The following UCKL1 variants were observed in gnomAD, a reference collection of about 807,000 sequenced individuals.
UCKL1 encodes the protein uridine-cytidine kinase 1 like 1, also known as uridine-cytidine kinase-like 1.
In UCKL1, 65 loss-of-function variants were observed where a neutral mutation model predicts 59.2. That is an observed-to-expected ratio of 1.10 (90% CI 0.90 to 1.35). The LOEUF is 1.35. Ranked by LOEUF, UCKL1 falls within the 40% of genes most tolerant of loss-of-function variation. The pLI, the probability that UCKL1 is intolerant of heterozygous loss-of-function variation, is 0.00. For missense variants in UCKL1, 703 were observed against 784.3 expected, an observed-to-expected ratio of 0.90 and a Z score of 1.24; for synonymous variants, 410 against 323.1, an observed-to-expected ratio of 1.27 and a Z score of -2.88.
At chr20:63,948,193 C>T (rs2056760641) in intron 1 of UCKL1, 1 of 152,250 alleles carries the variant, frequency 6.6e-6, no homozygotes, top group African/African-American at 2.4e-5. Flanking sequence ...CAGGGGTCAG[C>T]ACCTTGGCCC....
At chr20:63,940,543 C>G (rs2054087252) in intron 12 of UCKL1, 51 bp downstream of exon 12, 1 of 1,603,364 alleles carries the variant, frequency 6.2e-7, no homozygotes, top group Admixed American at 1.7e-5. Context: ...TTGCTGTGAG[C>G]TCCCTCTGCC....
intron 1 of UCKL1, 77 bp downstream of exon 1, chr20:63,956,183 G>A (rs994928363): frequency 2.3e-6 from 3 of 1,307,434 alleles, no homozygotes; most frequent in Non-Finnish European, 2.0e-6. Context: ...CGGCGGGGAC[G>A]GACCACCCGC....
chr20:63,941,244 G>T, intron 8 of UCKL1, 36 bp from the exon 9 acceptor site: 1 of 1,465,244 alleles, frequency 6.8e-7, no homozygotes. Flanking sequence ...TCAAGAAGGG[G>T]GTCTTTTCCC....
At chr20:63,951,499 C>A (rs1358751096) in intron 1 of UCKL1, among the ~76,000 whole-genome samples, 1 of 152,170 alleles carries the variant, frequency 6.6e-6, no homozygotes, top group African/African-American at 2.4e-5. Context: ...AGCTGGGCAC[C>A]CCATCCCTAG....
chr20:63,945,245 G>C (rs1569076030), intron 5 of UCKL1, among the ~76,000 whole-genome samples: 2 of 152,172 alleles, frequency 1.3e-5, no homozygotes, highest in African/African-American at 4.8e-5. Context: ...CCTGTACAAG[G>C]GGCAGGACCT....
Position 63,940,319 on chromosome 20 carries a change from T to C in UCKL1, c.1411-13A>G, listed in dbSNP as rs559498843. 1.1e-5 allele frequency: 17 copies of C among 1,612,516 alleles called. No individual in the cohort carries two copies. In the African/African-American group the frequency reaches 1.5e-4, roughly 14 times the overall value. On this transcript the variant is annotated splice_polypyrimidine_tract_variant and intron_variant, in intron 13 of 14. Coordinates refer to ENST00000354216, the MANE Select transcript of UCKL1 (RefSeq NM_017859.4). ...GCACGTCGTGGTCCTACCGAGTGTATTGGGCAGGTAAATCCCACCTCTGCC... is the reference window on the plus strand; with the variant it reads ...GCACGTCGTGGTCCTACCGAGTGTACTGGGCAGGTAAATCCCACCTCTGCC...
rs199612627 is a variant in UCKL1 at position 63,944,542 on chromosome 20, C to T, written c.844+3G>A. 2.5e-6 allele frequency: 4 copies of T among 1,607,798 alleles called. No homozygotes were observed. Among genetic ancestry groups the T allele is most frequent in the Admixed American group, 3.4e-5 (2 of 59,328 alleles). ...CACCCAACAGGCAGCCCAGCAGGCT[C>T]ACCTCTGGGGACCACGATGTCTGCC... On this transcript the variant is annotated splice_donor_region_variant and intron_variant, in intron 6 of 14. Transcript: ENST00000354216.
intron 1 of UCKL1, among the ~76,000 whole-genome samples, chr20:63,949,195 C>T (rs2057173111): frequency 1.3e-5 from 2 of 152,152 alleles, no homozygotes; most frequent in African/African-American, 2.4e-5. Flanking sequence ...AGCCTCACCT[C>T]GGCTCCGGAG....
chr20:63,941,372 C>T (rs1354729399), intron 8 of UCKL1, 164 bp from the exon 9 acceptor site: 12 of 1,095,326 alleles, frequency 1.1e-5, no homozygotes, highest in South Asian at 6.3e-5. Flanking sequence ...TGGGGGGAGA[C>T]GTCGCCCTAC....
intron 8 of UCKL1, chr20:63,942,577 C>A: frequency 1.1e-6 from 1 of 912,098 alleles, no homozygotes; most frequent in Non-Finnish European, 1.5e-6. Flanking sequence ...AAAGAGAAGG[C>A]TGCTTAGTTG....
chr20:63,946,434 A>AC lies in UCKL1; in HGVS notation c.304+18dup, dbSNP rs545923388. 6.5e-4 allele frequency: 997 copies of AC among 1,526,208 alleles called. 6 individuals carry two copies. Among genetic ancestry groups the AC allele is most frequent in the African/African-American group, 5.2e-3 (376 of 72,644 alleles). 94.5% of individuals were successfully genotyped at this position (1,526,208 alleles called of 1,614,324 possible). On this transcript the variant is annotated intron_variant, in intron 2 of 14. Transcript: ENST00000354216. ...AGGCAGGCGTCCGGCAGCAGGTCCC[A>AC]CCCCCCCGCTGCTCTCACCGATGGC...
At chr20:63,950,173 A>G (rs1202278801) in intron 1 of UCKL1, among the ~76,000 whole-genome samples, 1 of 152,168 alleles carries the variant, frequency 6.6e-6, no homozygotes, top group Non-Finnish European at 1.5e-5. Context: ...CAGGCCTGTG[A>G]CGGCGTCAGG....
chr20:63,946,211 C>T lies in UCKL1; in HGVS notation c.361G>A (p.Ala121Thr). 6.2e-7 allele frequency: 1 copy of T among 1,611,194 alleles called. No homozygotes were observed. Among genetic ancestry groups the T allele is most frequent in the South Asian group, 1.1e-5 (1 of 90,838 alleles). ...KTTVARMIIE[A>T]LDVPWVVLLS... is the part of the protein sequence containing the mutation. Reference sequence around the variant, plus strand: ...AAGACCACCCAGGGCACATCCAGGGCCTCGATGATCATTCTGGCCACAGTG... The same window carrying T: ...AAGACCACCCAGGGCACATCCAGGGTCTCGATGATCATTCTGGCCACAGTG... The change falls in exon 3 of 15, where the codon GCC (alanine) becomes ACC (threonine). Residue 121 changes from alanine to threonine, a missense_variant. Ala to Thr is a moderately conservative substitution (Grantham distance 58). Around this residue, in one of 4 missense-constraint regions of UCKL1, gnomAD observed 398 missense variants for 373.0 expected, o/e 1.07. Transcript: ENST00000354216.
chr20:63,943,548 A>T (rs1050433593), intron 8 of UCKL1, 105 bp downstream of exon 8: 10 of 1,550,462 alleles, frequency 6.4e-6, no homozygotes, highest in Non-Finnish European at 8.8e-6. Flanking sequence ...CCCTTCTGTG[A>T]CTGGGGAAGA....
In UCKL1 at chr20:63,944,547, CTG is replaced by C. The variant is rs1359709362; in HGVS notation, c.840_841del (p.Gly282GlufsTer22). On this transcript the variant is annotated frameshift_variant, in exon 6 of 15. Coordinates refer to ENST00000354216, the MANE Select transcript of UCKL1 (RefSeq NM_017859.4). LOFTEE classifies it high-confidence loss of function. Reference sequence around the variant, plus strand: ...AACAGGCAGCCCAGCAGGCTCACCTCTGGGGACCACGATGTCTGCCAGGCGCA... The same window carrying C: ...AACAGGCAGCCCAGCAGGCTCACCTCGGGACCACGATGTCTGCCAGGCGCA... The C allele has an allele frequency of 6.2e-7, 1 of 1,609,216 alleles. No homozygotes were observed. The highest frequency in any genetic ancestry group is 8.5e-7 in the Non-Finnish European group (1 of 1,178,414).
chr20:63,940,714 G>A lies in UCKL1; in HGVS notation c.1182C>T (p.Ile394=). The A allele has an allele frequency of 6.2e-7, 1 of 1,607,804 alleles. No individual in the cohort carries two copies. ...CGGCGCGCAGAATGGACACACCGGT[G>A]ATCTGCGGGGAGGGGAGGCTAAGCG... The part of the protein sequence containing the change: ...YAGKCYAGKQ[I]TGVSILRAGE... Residue 394 remains isoleucine, a splice_region_variant and synonymous_variant, in exon 12 of 15, where the codon ATC becomes ATT. Transcript: ENST00000354216.
intron 5 of UCKL1, among the ~76,000 whole-genome samples, 196 bp from the exon 6 acceptor site, chr20:63,944,930 C>A (rs1490814438): frequency 2.0e-5 from 3 of 151,706 alleles, no homozygotes; most frequent in African/African-American, 7.3e-5. Context: ...CGAGCCACTT[C>A]CCCAGGGCAC....
At chr20:63,941,235 CAAG>C (rs780596007) in intron 8 of UCKL1, 27 bp from the exon 9 acceptor site, 8 of 1,477,494 alleles carry the variant, frequency 5.4e-6, no homozygotes, top group East Asian at 4.9e-5. Context: ...GGGGAACACT[CAAG>C]AAGGGGGTCT....
intron 1 of UCKL1, among the ~76,000 whole-genome samples, chr20:63,948,627 AG>A (rs1569122945): frequency 5.8e-4 from 2 of 3,450 alleles, no homozygotes. Context: ...GGCGTGTGTG[AG>A]AGGGAAGGGG....
Sources: allele counts gnomAD v4.1 joint callset (sites outside exome capture counted in the v4.1 genomes callset), GRCh38; gene constraint gnomAD v4.1.1; regional missense constraint gnomAD v4.1.1; transcripts MANE v1.5; gene names NCBI Gene and HGNC (gene_info 2026-07-23, HGNC 2026-07-21).